Variants in CLK3 observed in about 807,000 individuals in gnomAD.
The protein encoded by CLK3 is dual specificity protein kinase CLK3.
Under a neutral mutation model 65.2 loss-of-function variants are expected in CLK3, and 24 were observed. That is an observed-to-expected ratio of 0.37 (90% confidence interval 0.27 to 0.52). The LOEUF (loss-of-function observed/expected upper bound fraction) is 0.52. CLK3 is among the 20% of genes least tolerant of loss of function. The pLI, the probability that CLK3 is intolerant of heterozygous loss-of-function variation, is 0.92. For missense variants in CLK3, 506 were observed against 660.0 expected (o/e 0.77, Z 2.56); for synonymous variants, 252 against 240.8 (o/e 1.05, Z -0.43).
At chr15:74,619,371 G>C (rs1381792217) in intron 2 of CLK3, 23 bp downstream of exon 2, 2 of 1,612,396 alleles carry the variant, frequency 1.2e-6, no homozygotes, top group Non-Finnish European at 1.7e-6. Context: ...TAGATAGGAG[G>C]GAAAGACTCC....
Position 74,625,838 on chromosome 15 carries a change from C to T in CLK3, c.687C>T (p.His229=), listed in dbSNP as rs532463290. ...TGATGTCTGACTGGTTCAACTTCCA[C>T]GGTCACATGTGCATCGCCTTTGAGC... is the stretch of plus-strand genomic sequence containing the variant. The part of the protein sequence containing the change: ...CVLMSDWFNF[H]GHMCIAFELL... Residue 229 remains histidine, a synonymous_variant, in exon 7 of 13, where the codon CAC becomes CAT. Coordinates refer to ENST00000395066, the MANE Select transcript of CLK3 (RefSeq NM_001130028.2). 22 of 1,614,118 alleles carry T rather than the reference C, an allele frequency of 1.4e-5. No homozygotes were observed. The East Asian group carries it at 1.6e-4, about 11-fold the overall frequency.
In CLK3 at chr15:74,624,817, T is replaced by C; in HGVS notation, c.534-85T>C. The C allele has an allele frequency of 2.1e-6, 2 of 946,838 alleles. No individual in the cohort carries two copies. The highest frequency in any genetic ancestry group is 1.7e-6 in the Non-Finnish European group (1 of 595,038). The allele number at this position is 946,838 out of a possible 1,614,324, so 58.7% of individuals were successfully genotyped here. A position where few individuals can be genotyped will look rare whatever the true frequency, so the allele number is the denominator to read the frequency against. Reference sequence around the variant, plus strand: ...CCGGCTGCTCCTGGAGTGGTGTTTGTTGGGAGTTGCTGGGTTGGGGTGGAG... The same window carrying C: ...CCGGCTGCTCCTGGAGTGGTGTTTGCTGGGAGTTGCTGGGTTGGGGTGGAG... On this transcript the variant is annotated intron_variant, in intron 5 of 12. Coordinates refer to ENST00000395066, the MANE Select transcript of CLK3 (RefSeq NM_001130028.2). The surrounding 1 kb of genome is among the most constrained non-coding windows in gnomAD (Gnocchi z 4.2).
chr15:74,623,509 G>A (rs886094572), intron 5 of CLK3: 4 of 152,242 alleles, frequency 2.6e-5, no homozygotes, highest in African/African-American at 7.2e-5. Flanking sequence ...CTGTGGCCAC[G>A]AGATAGACTG....
chr15:74,612,284 A>C (rs947206312), upstream of CLK3, among the ~76,000 whole-genome samples: 2 of 152,142 alleles, frequency 1.3e-5, no homozygotes, highest in Admixed American at 1.3e-4. Context: ...CAGAGCCCTT[A>C]AGTCAAGTCA....
In CLK3 at chr15:74,627,436, A is replaced by G. The variant is rs1283669622; in HGVS notation, c.902A>G (p.Asn301Ser). ...AATTCTGAGTTTGAAACCCTCTACA[A>G]TGAGCACAAGGTATTGGTGGGGGTA... ...FVNSEFETLY[N>S]EHKSCEEKSV... The change falls in exon 8 of 13, where the codon AAT becomes AGT. Residue 301 changes from asparagine (N) to serine (S), a missense_variant. Asn to Ser is a conservative substitution (Grantham distance 46, BLOSUM62 1). Around this residue, in one of 2 missense-constraint regions of CLK3, gnomAD observed 325 missense variants for 500.5 expected, o/e 0.65. Coordinates refer to ENST00000395066, the MANE Select transcript of CLK3 (RefSeq NM_001130028.2). This position sits in a 1 kb window ranked among gnomAD's most constrained non-coding sequence, Gnocchi z 4.3. 5.0e-6 allele frequency: 8 copies of G among 1,613,890 alleles called. No individual in the cohort carries two copies. Among genetic ancestry groups the G allele is most frequent in the Non-Finnish European group, 5.9e-6 (7 of 1,179,780 alleles).
At chr15:74,620,326 G>C in intron 3 of CLK3, 101 bp downstream of exon 3, 1 of 1,506,028 alleles carries the variant, frequency 6.6e-7, no homozygotes, top group Non-Finnish European at 9.1e-7. Context: ...CCAGCCCTGT[G>C]CACGTGCACT....
intron 2 of CLK3, among the ~76,000 whole-genome samples, chr15:74,619,693 G>C (rs1195462784): frequency 2.6e-5 from 4 of 152,140 alleles, no homozygotes; most frequent in African/African-American, 4.8e-5. Flanking sequence ...GCCTATCTTA[G>C]CTCCCAGGTC....
At chr15:74,626,676 C>T (rs916185893) in intron 7 of CLK3, among the ~76,000 whole-genome samples, 12 of 152,118 alleles carry the variant, frequency 7.9e-5, no homozygotes, top group African/African-American at 2.9e-4. Flanking sequence ...AGCCTGTTAA[C>T]GGGCTGAGAA....
At chr15:74,619,916 C>T in intron 2 of CLK3, 93 bp from the exon 3 acceptor site, 1 of 1,574,276 alleles carries the variant, frequency 6.4e-7, no homozygotes, top group Non-Finnish European at 8.6e-7. Context: ...CAGGCTGTCC[C>T]CCTTTAGCCC....
chr15:74,626,572 A>T (rs1596290820), intron 7 of CLK3, among the ~76,000 whole-genome samples: 1 of 152,224 alleles, frequency 6.6e-6, no homozygotes, highest in African/African-American at 2.4e-5. Context: ...CCCCACATGG[A>T]TGAGAAGACA....
Position 74,629,739 on chromosome 15 carries a change from G to A in CLK3, c.1329G>A (p.Val443=). 6.2e-7 allele frequency: 1 copy of A among 1,613,492 alleles called. No individual in the cohort carries two copies. The highest frequency in any genetic ancestry group is 8.5e-7 in the Non-Finnish European group (1 of 1,179,716). ...TGCTCCAAGACTCCCTGGAGCACGT[G>A]CAGCTGTTTGACCTGATGAGGAGGA... The part of the protein sequence containing the change: ...SYMLQDSLEH[V]QLFDLMRRML... Residue 443 remains valine, a synonymous_variant, in exon 13 of 13, where the codon GTG becomes GTA. Transcript: ENST00000395066.
upstream of CLK3, chr15:74,614,726 G>A (rs2062033706): frequency 1.3e-5 from 2 of 152,194 alleles, no homozygotes; most frequent in African/African-American, 4.8e-5. Flanking sequence ...CGCGGGGAGG[G>A]GCATGGGCGG....
At chr15:74,623,844 TATTCTA>T (rs1034411385) in intron 5 of CLK3, 1 of 152,250 alleles carries the variant, frequency 6.6e-6, no homozygotes, top group Non-Finnish European at 1.5e-5. Context: ...GGCAGGGTCT[TATTCTA>T]AGAGCAGTGC....
At chr15:74,628,806 A>C (rs1329281743) in intron 11 of CLK3, 123 bp downstream of exon 11, 20 of 1,039,456 alleles carry the variant, frequency 1.9e-5, no homozygotes, top group Non-Finnish European at 2.9e-5. Context: ...CAGGCTCCTA[A>C]AAGCCTTCCC....
intron 2 of CLK3, 24 bp downstream of exon 2, chr15:74,619,372 GAA>G (rs1226861025): frequency 8.7e-6 from 14 of 1,612,300 alleles, no homozygotes; most frequent in Admixed American, 6.7e-5. Context: ...AGATAGGAGG[GAA>G]AGACTCCTTC....
upstream of CLK3, chr15:74,615,774 C>A: frequency 2.4e-6 from 3 of 1,243,212 alleles, no homozygotes; most frequent in Non-Finnish European, 3.0e-6. Context: ...CGGGTCGAGC[C>A]GAGGCTGGCG....
rs1027219734 is a variant in CLK3, at chr15:74,627,253, C to T, written c.818-99C>T. 8.7e-6 allele frequency: 8 copies of T among 922,870 alleles called. No individual in the cohort carries two copies. Among genetic ancestry groups the T allele is most frequent in the Non-Finnish European group, 1.3e-5 (7 of 556,582 alleles). 57.2% of individuals were successfully genotyped at this position (922,870 alleles called of 1,614,324 possible). ...CCTGCTGAGGTGGGGGTGTGAGGAC[C>T]TCTGGCAGTTGCTGGCATTGGAAGA... On this transcript the variant is annotated intron_variant, in intron 7 of 12. Transcript: ENST00000395066. This position sits in a 1 kb window ranked among gnomAD's most constrained non-coding sequence, Gnocchi z 4.3.
rs193122515 is a variant in CLK3, at chr15:74,619,185, C to G, written c.1-12C>G. ...GTGTGTTTAGCAGGGCTCTCTGTTC[C>G]TCGTGGCCTAGATGCATCACTGTAA... On this transcript the variant is annotated splice_polypyrimidine_tract_variant and intron_variant, in intron 1 of 12. Transcript: ENST00000395066. The G allele has an allele frequency of 3.7e-4, 603 of 1,613,408 alleles. 3 individuals carry two copies. In the African/African-American group the frequency reaches 5.4e-3, roughly 15 times the overall value.
intron 1 of CLK3, chr15:74,608,816 TG>T (rs1381477256): frequency 6.6e-6 from 1 of 152,220 alleles, no homozygotes; most frequent in Non-Finnish European, 1.5e-5. Flanking sequence ...CTCAGCCAGC[TG>T]GTGACAGAGA....
Sources: allele counts gnomAD v4.1 joint callset (sites outside exome capture counted in the v4.1 genomes callset), GRCh38; gene constraint gnomAD v4.1.1; regional missense constraint gnomAD v4.1.1; non-coding constraint Gnocchi (gnomAD v3.1); transcripts MANE v1.5; gene names NCBI Gene and HGNC (gene_info 2026-07-23, HGNC 2026-07-21).